The following ACOT7 variants were observed in gnomAD, a reference collection of about 807,000 sequenced individuals.
The protein encoded by ACOT7 is acyl-CoA thioesterase 7, also known as cytosolic acyl coenzyme A thioester hydrolase.
Under a neutral mutation model 40.2 loss-of-function variants are expected in ACOT7, and 12 were observed. That is an observed-to-expected ratio of 0.30 (90% CI 0.19 to 0.48). The LOEUF (loss-of-function observed/expected upper bound fraction) is 0.48. ACOT7 is among the 20% of genes least tolerant of loss of function. The probability of loss-of-function intolerance (pLI) is 0.99; values close to 1 mark genes in which losing one functional copy is unlikely to be tolerated. For missense variants in ACOT7, 395 were observed against 530.8 expected, an observed-to-expected ratio of 0.74 and a Z score of 2.51; for synonymous variants, 228 against 219.5, an observed-to-expected ratio of 1.04 and a Z score of -0.34.
At chr1:6,344,337 C>T (rs1249255556) in intron 2 of ACOT7, among the ~76,000 whole-genome samples, 3 of 152,202 alleles carry the variant, frequency 2.0e-5, no homozygotes, top group Non-Finnish European at 4.4e-5. Flanking sequence ...CGGGACACCC[C>T]TCACACAGAA....
chr1:6,348,825 C>T (rs186241890), intron 2 of ACOT7, among the ~76,000 whole-genome samples: 1 of 152,200 alleles, frequency 6.6e-6, no homozygotes, highest in Non-Finnish European at 1.5e-5. Flanking sequence ...TCAGAGCTCA[C>T]AGTGCCTCCG....
At position 6,352,523 on chromosome 1, in the gene ACOT7, G is replaced by A. The variant is rs559319792; in HGVS notation, c.144-2657C>T. Among the ~76,000 whole-genome samples, 219 of 152,324 alleles carry A rather than the reference G, an allele frequency of 1.4e-3. No individual in the cohort carries two copies. The highest frequency in any genetic ancestry group is 7.1e-4 in the Non-Finnish European group (48 of 68,036). ...AGGGTCATGACTGCCTCTGTCTAAAGGCAGGCAGGGGTGAGAGCCAGGGAG... is the reference window on the plus strand; with the variant it reads ...AGGGTCATGACTGCCTCTGTCTAAAAGCAGGCAGGGGTGAGAGCCAGGGAG... On this transcript the variant is annotated intron_variant, in intron 1 of 8. Transcript: ENST00000361521. This position sits in a 1 kb window ranked among gnomAD's most constrained non-coding sequence, Gnocchi z 4.5.
intron 7 of ACOT7, among the ~76,000 whole-genome samples, chr1:6,292,385 A>G (rs1571276940): frequency 6.6e-6 from 1 of 152,246 alleles, no homozygotes; most frequent in African/African-American, 2.4e-5. Flanking sequence ...AAGGAAGCCA[A>G]TCCAAGTGAA....
rs1007884131 is a variant in ACOT7, at chr1:6,393,595, C to T, written c.-196G>A. The T allele has an allele frequency of 2.5e-6, 1 of 402,870 alleles. No homozygotes were observed. The highest frequency in any genetic ancestry group is 4.0e-6 in the Non-Finnish European group (1 of 251,466). 25.0% of individuals were successfully genotyped at this position (402,870 alleles called of 1,614,324 possible). A position where few individuals can be genotyped will look rare whatever the true frequency, so the allele number is the denominator to read the frequency against. ...GGCGGCGTGGGGGCCCAGGCAGCCG[C>T]CGCTTCCAGAAGGTTCGGTGGCGGT... On this transcript the variant is annotated 5_prime_UTR_variant, in exon 1 of 9. Coordinates refer to ENST00000361521, the MANE Select transcript of ACOT7 (RefSeq NM_007274.4).
rs201654646 is a variant in ACOT7, at chr1:6,339,556, G to A, written c.295C>T (p.Arg99Cys). 1.3e-5 allele frequency: 21 copies of A among 1,613,470 alleles called. No homozygotes were observed. Among genetic ancestry groups the A allele is most frequent in the Admixed American group, 6.7e-5 (4 of 60,026 alleles). ...RCVAALARVE[R>C]TDFLSPMCIG... ...CACATGGGAGACAGGAAGTCGGTGC[G>A]CTCGACACGAGCCAGGGCGGCCACA... Residue 99 changes from arginine (R) to cysteine (C), a missense_variant, in exon 3 of 9, where the codon CGC becomes TGC. Physicochemically the swap from Arg to Cys is radical, Grantham distance 180. Around this residue, in one of 2 missense-constraint regions of ACOT7, gnomAD observed 309 missense variants for 470.3 expected, o/e 0.66. Transcript: ENST00000361521.
In ACOT7 at chr1:6,330,558, T is replaced by C. The variant is rs1640927626; in HGVS notation, c.510+2919A>G. On this transcript the variant is annotated intron_variant, in intron 4 of 8. Transcript: ENST00000361521. This position sits in a 1 kb window ranked among gnomAD's most constrained non-coding sequence, Gnocchi z 4.6. ...CTCGACAAGGCCAAGTTGGTATTTA[T>C]GTCTCATCAAACCCACTCTACAAAG... Among the ~76,000 whole-genome samples, 1 of 152,198 alleles carries C rather than the reference T, an allele frequency of 6.6e-6. No homozygotes were observed. Among genetic ancestry groups the C allele is most frequent in the South Asian group, 2.1e-4 (1 of 4,828 alleles).
chr1:6,302,352 A>T (rs558235187), intron 6 of ACOT7, among the ~76,000 whole-genome samples: 77 of 152,280 alleles, frequency 5.1e-4, no homozygotes, highest in Non-Finnish European at 9.9e-4. Flanking sequence ...TTTACGACTC[A>T]GGAGATAACC....
chr1:6,302,355 A>C (rs1160865550), intron 6 of ACOT7, among the ~76,000 whole-genome samples: 1 of 152,154 alleles, frequency 6.6e-6, no homozygotes, highest in Non-Finnish European at 1.5e-5. Flanking sequence ...ACGACTCAGG[A>C]GATAACCTTT....
At chr1:6,327,085 C>T (rs1234555908) in intron 5 of ACOT7, among the ~76,000 whole-genome samples, 1 of 152,220 alleles carries the variant, frequency 6.6e-6, no homozygotes, top group Non-Finnish European at 1.5e-5. Context: ...TCACGCAGGT[C>T]GCCTTCCAGG....
chr1:6,359,396 A>T lies in ACOT7; in HGVS notation c.144-9530T>A, dbSNP rs965609742. 5.2e-5 allele frequency: 8 copies of T among 153,478 alleles called. No homozygotes were observed. Among genetic ancestry groups the T allele is most frequent in the Non-Finnish European group, 7.2e-5 (5 of 68,976 alleles). 9.5% of individuals were successfully genotyped at this position (153,478 alleles called of 1,614,324 possible). On this transcript the variant is annotated intron_variant, in intron 1 of 8. Transcript: ENST00000361521. This position sits in a 1 kb window ranked among gnomAD's most constrained non-coding sequence, Gnocchi z 4.1. ...GTCCCAAGGGCCAGCTCCCTGGCTG[A>T]AGCAAAGTGGACAGGCGGTCCAGCC...
At chr1:6,307,781 C>T (rs772324577) in intron 6 of ACOT7, among the ~76,000 whole-genome samples, 30 of 151,458 alleles carry the variant, frequency 2.0e-4, no homozygotes, top group African/African-American at 6.3e-4. Flanking sequence ...CAGAGGGAAC[C>T]GCAGCAGGCA....
chr1:6,282,183 G>A lies in ACOT7; in HGVS notation c.830-897C>T, dbSNP rs774108679. On this transcript the variant is annotated intron_variant, in intron 7 of 8. Transcript: ENST00000361521. The surrounding 1 kb of genome is among the most constrained non-coding windows in gnomAD (Gnocchi z 4.5). ...CTGCCCCCACCACCCTCCCCGGCCT[G>A]GGCTCCATCCTCCTACCTGGCCTCA... is the stretch of plus-strand genomic sequence containing the variant. 2.0e-5 allele frequency among the ~76,000 whole-genome samples: 3 copies of A among 152,060 alleles called. No homozygotes were observed. Among genetic ancestry groups the A allele is most frequent in the Non-Finnish European group, 4.4e-5 (3 of 68,006 alleles).
At chr1:6,314,743 C>T (rs1036953333) in intron 6 of ACOT7, among the ~76,000 whole-genome samples, 1 of 152,166 alleles carries the variant, frequency 6.6e-6, no homozygotes, top group Non-Finnish European at 1.5e-5. Context: ...TTCACATGCC[C>T]TTCAACCCAG....
chr1:6,375,384 G>C (rs144474212), intron 1 of ACOT7, among the ~76,000 whole-genome samples: 122 of 148,046 alleles, frequency 8.2e-4, no homozygotes, highest in African/African-American at 3.0e-3. Flanking sequence ...TCAACAATAA[G>C]AGGCCAGGCG....
Position 6,264,681 on chromosome 1 carries a change from G to A in ACOT7, c.1029C>T (p.Asp343=), listed in dbSNP as rs145849239. ...PVPQLVPETE[D]EKKRFEEGKG... ...TGCCTTCCTCAAAGCGCTTCTTCTC[G>A]TCCTCGGTCTCGGGCTGTGGACCAC... The change falls in exon 9 of 9, where the codon GAC becomes GAT. Residue 343 remains aspartate (D), a synonymous_variant. Transcript: ENST00000361521. 1.5e-4 allele frequency: 245 copies of A among 1,613,386 alleles called. No homozygotes were observed. The highest frequency in any genetic ancestry group is 7.9e-4 in the African/African-American group (59 of 75,060).
intron 5 of ACOT7, among the ~76,000 whole-genome samples, chr1:6,323,730 AAAAAAAAATATATAT>A (rs1245219183): frequency 0.011 from 1,102 of 96,396 alleles, 6 homozygotes; most frequent in Non-Finnish European, 0.015. Context: ...AAAAAAAAAA[AAAAAAAAATATATAT>A]ATATATATAT....
At chr1:6,313,327 G>C (rs1298559329) in intron 6 of ACOT7, among the ~76,000 whole-genome samples, 5 of 152,218 alleles carry the variant, frequency 3.3e-5, no homozygotes, top group African/African-American at 1.2e-4. Flanking sequence ...CAGACAGGCA[G>C]AGGTTGCGGC....
rs937628432 is a variant in ACOT7, at chr1:6,369,172, G to A, written c.144-19306C>T. Among the ~76,000 whole-genome samples the A allele has an allele frequency of 1.5e-4, 22 of 151,672 alleles. No individual in the cohort carries two copies. The Middle Eastern group carries it at 0.014, about 94-fold the overall frequency. On this transcript the variant is annotated intron_variant, in intron 1 of 8. Coordinates refer to ENST00000361521, the MANE Select transcript of ACOT7 (RefSeq NM_007274.4). ...CTACGTTTTGTATTAGTAGAGACGA[G>A]GTTTCACCATGTTGGCCAGGCTGGT...
At position 6,278,478 on chromosome 1, in the gene ACOT7, TG is replaced by T. The variant is rs997166773; in HGVS notation, c.1014+2623del. On this transcript the variant is annotated intron_variant, in intron 8 of 8. Coordinates refer to ENST00000361521, the MANE Select transcript of ACOT7 (RefSeq NM_007274.4). This position sits in a 1 kb window ranked among gnomAD's most constrained non-coding sequence, Gnocchi z 4.1. ...GAGCGGCACTGGGTGGGCGTGGGCA[TG>T]GGGGGAGTAGGGAGGAGCCAGCTGG... Among the ~76,000 whole-genome samples, 3 of 151,592 alleles carry T rather than the reference TG, an allele frequency of 2.0e-5. No homozygotes were observed. The highest frequency in any genetic ancestry group is 7.3e-5 in the African/African-American group (3 of 41,202).
Sources: gnomAD v4.1 joint callset for allele counts (sites outside exome capture counted in the v4.1 genomes callset) on GRCh38, gnomAD v4.1.1 for gene constraint, gnomAD v4.1.1 regional missense constraint, Gnocchi (gnomAD v3.1) non-coding constraint, MANE v1.5 for transcripts, NCBI Gene and HGNC (gene_info 2026-07-23, HGNC 2026-07-21) for gene names.